The following CLCN7 variants were observed in gnomAD, a reference collection of about 807,000 sequenced individuals.
CLCN7 encodes the protein H(+)/Cl(-) exchange transporter 7.
CLCN7 carries 60 observed loss-of-function variants against 102.1 expected under a neutral mutation model. That is an observed-to-expected ratio of 0.59 (90% CI 0.48 to 0.73). The LOEUF is 0.73. Ranked by LOEUF, CLCN7 falls within the 30% of genes least tolerant of loss-of-function variation. The pLI is 0.00. For synonymous variants in CLCN7, 560 were observed against 490.5 expected (o/e 1.14, Z -1.87); for missense variants, 962 against 1,125.7 (o/e 0.85, Z 2.08).
intron 1 of CLCN7, among the ~76,000 whole-genome samples, chr16:1,473,935 T>C (rs111525182): frequency 1.3e-5 from 2 of 151,726 alleles, no homozygotes; most frequent in Non-Finnish European, 2.9e-5. Context: ...AAATACAAAA[T>C]TAGCCGGGCG....
At position 1,447,053 on chromosome 16, in the gene CLCN7, G is replaced by A. The variant is rs1490598538; in HGVS notation, c.2284C>T (p.Arg762Trp). ...ACCAGGTGCCGCAGGCCCAGGGCCC[G>A]GAACAGCTTGAACACCCGTGGGAGC... ...ASLPRVFKLF[R>W]ALGLRHLVVV... The change falls in exon 24 of 25, where the codon CGG becomes TGG. Residue 762 changes from arginine to tryptophan, a missense_variant. Physicochemically the swap from Arg to Trp is moderately radical, Grantham distance 101. This residue lies in a region of CLCN7 where 799 missense variants were observed against 988.0 expected (regional missense o/e 0.81). Transcript: ENST00000382745. 3.1e-6 allele frequency: 5 copies of A among 1,602,596 alleles called. No individual in the cohort carries two copies. The highest frequency in any genetic ancestry group is 3.4e-6 in the Non-Finnish European group (4 of 1,178,312).
In CLCN7 at chr16:1,449,268, G is replaced by A; in HGVS notation, c.1669+8C>T. 1 of 1,582,580 alleles carries A rather than the reference G, an allele frequency of 6.3e-7. No homozygotes were observed. Among genetic ancestry groups the A allele is most frequent in the East Asian group, 2.3e-5 (1 of 42,998 alleles). On this transcript the variant is annotated splice_region_variant and intron_variant, in intron 18 of 24. Coordinates refer to ENST00000382745, the MANE Select transcript of CLCN7 (RefSeq NM_001287.6). ...CTCCCCACCCATCGGGCAAGAGCTGGGACATACCCAGCTGGGCAGCAGCTC... is the reference window on the plus strand; with the variant it reads ...CTCCCCACCCATCGGGCAAGAGCTGAGACATACCCAGCTGGGCAGCAGCTC...
rs771365308 is a variant in CLCN7, at chr16:1,453,893, G to A, written c.1155C>T (p.Gly385=). ...CATTGAACACTGCTCCAAGCACACC[G>A]CCTGCGAACAGGGGAAAGGCCAGTC... The part of the protein sequence containing the change: ...IPVFIAMGVV[G]GVLGAVFNAL... Residue 385 remains glycine, a splice_region_variant and synonymous_variant, in exon 14 of 25, where the codon GGC becomes GGT. Coordinates refer to ENST00000382745, the MANE Select transcript of CLCN7 (RefSeq NM_001287.6). 160 of 1,613,020 alleles carry A rather than the reference G, an allele frequency of 9.9e-5. No individual in the cohort carries two copies. Among genetic ancestry groups the A allele is most frequent in the African/African-American group, 2.0e-4 (15 of 74,950 alleles).
intron 19 of CLCN7, 97 bp from the exon 20 acceptor site, chr16:1,448,863 C>G: frequency 1.3e-6 from 2 of 1,597,570 alleles, no homozygotes; most frequent in East Asian, 2.2e-5. Flanking sequence ...CCCCAGAAAC[C>G]CTGAGCCTAC....
intron 21 of CLCN7, among the ~76,000 whole-genome samples, 197 bp from the exon 22 acceptor site, chr16:1,447,911 C>T (rs962078814): frequency 7.2e-5 from 11 of 152,210 alleles, no homozygotes; most frequent in African/African-American, 1.7e-4. Context: ...CAAGGATCGG[C>T]GACAGGGTAG....
intron 24 of CLCN7, 57 bp from the exon 25 acceptor site, chr16:1,446,774 A>G (rs2038652158): frequency 1.4e-6 from 2 of 1,434,322 alleles, no homozygotes; most frequent in Admixed American, 3.9e-5. Context: ...CTGCCTGTGG[A>G]GCTCCCTGCC....
chr16:1,465,924 G>A (rs1281803290), intron 1 of CLCN7, among the ~76,000 whole-genome samples: 1 of 152,246 alleles, frequency 6.6e-6, no homozygotes, highest in African/African-American at 2.4e-5. Context: ...GGGTGGCGTG[G>A]TGCAGATGTG....
Position 1,449,291 on chromosome 16 carries a change from C to G in CLCN7, c.1654G>C (p.Ala552Pro). ...ADPGKYALMG[A>P]AAQLGGIVRM... Reference sequence around the variant, plus strand: ...TGGGACATACCCAGCTGGGCAGCAGCTCCCATCAGGGCGTATTTGCCGGGG... The same window carrying G: ...TGGGACATACCCAGCTGGGCAGCAGGTCCCATCAGGGCGTATTTGCCGGGG... The change falls in exon 18 of 25, where the codon GCT (alanine) becomes CCT (proline). Residue 552 changes from alanine (A) to proline (P), a missense_variant. Coordinates refer to ENST00000382745, the MANE Select transcript of CLCN7 (RefSeq NM_001287.6). 1 of 1,588,268 alleles carries G rather than the reference C, an allele frequency of 6.3e-7. No individual in the cohort carries two copies. Among genetic ancestry groups the G allele is most frequent in the Non-Finnish European group, 8.6e-7 (1 of 1,167,758 alleles).
rs761166293 is a variant in CLCN7, at chr16:1,446,285, C to T, written c.*346G>A. The T allele has an allele frequency of 1.4e-6, 1 of 696,758 alleles. No individual in the cohort carries two copies. The highest frequency in any genetic ancestry group is 2.6e-6 in the Non-Finnish European group (1 of 382,600). 43.2% of individuals were successfully genotyped at this position (696,758 alleles called of 1,614,324 possible). On this transcript the variant is annotated 3_prime_UTR_variant, in exon 25 of 25. Transcript: ENST00000382745. ...AAGGGCTCTGTCTCACGCACACGGG[C>T]ACAGGCACGCAGGTGCCGGCCCTGC...
In CLCN7 at chr16:1,450,623, G is replaced by A; in HGVS notation, c.1491C>T (p.Tyr497=). ...PLTLGLFTLV[Y]FFLACWTYGL... ...CGTAGGTCCAGCAGGCCAGGAAGAA[G>A]TAGACCAGCGTGAACAGGCCGAGGG... is the stretch of plus-strand genomic sequence containing the variant. Residue 497 remains tyrosine, a synonymous_variant, in exon 17 of 25, where the codon TAC becomes TAT. Coordinates refer to ENST00000382745, the MANE Select transcript of CLCN7 (RefSeq NM_001287.6). 2 of 1,612,696 alleles carry A rather than the reference G, an allele frequency of 1.2e-6. No individual in the cohort carries two copies. Among genetic ancestry groups the A allele is most frequent in the Middle Eastern group, 1.6e-4 (1 of 6,062 alleles).
chr16:1,461,822 C>T, intron 2 of CLCN7, 148 bp from the exon 3 acceptor site: 1 of 740,444 alleles, frequency 1.4e-6, no homozygotes, highest in South Asian at 1.5e-5. Context: ...CGGTGGCTGA[C>T]ACCTACAATC....
At chr16:1,446,945 C>A in intron 24 of CLCN7, 61 bp downstream of exon 24, 1 of 1,456,514 alleles carries the variant, frequency 6.9e-7, no homozygotes, top group Non-Finnish European at 9.4e-7. Context: ...AGAGTAAGCA[C>A]GGGCAGGAGG....
At chr16:1,453,330 T>G (rs1180668507) in intron 14 of CLCN7, among the ~76,000 whole-genome samples, 1 of 152,098 alleles carries the variant, frequency 6.6e-6, no homozygotes, top group Non-Finnish European at 1.5e-5. Context: ...TGTTTAATCA[T>G]CAATCAGGCA....
At chr16:1,462,665 C>CAAAAAAAA (rs67969666) in intron 2 of CLCN7, among the ~76,000 whole-genome samples, 463 of 35,964 alleles carry the variant, frequency 0.013, 14 homozygotes, top group African/African-American at 0.035. Context: ...AAAAAAAAGC[C>CAAAAAAAA]AAAAAAAAAA....
Position 1,457,629 on chromosome 16 carries a change from G to A in CLCN7, c.738+65C>T, listed in dbSNP as rs943559546. 5.9e-6 allele frequency: 9 copies of A among 1,529,928 alleles called. No individual in the cohort carries two copies. Among genetic ancestry groups the A allele is most frequent in the African/African-American group, 4.1e-5 (3 of 73,096 alleles). 94.8% of individuals were successfully genotyped at this position (1,529,928 alleles called of 1,614,324 possible). ...CCGGTGCTCAGAGACACACATGGGC[G>A]TGGCGGCCCTCGCGGGCCCGGCGGC... On this transcript the variant is annotated intron_variant, in intron 8 of 24. Coordinates refer to ENST00000382745, the MANE Select transcript of CLCN7 (RefSeq NM_001287.6). This position sits in a 1 kb window ranked among gnomAD's most constrained non-coding sequence, Gnocchi z 5.4.
intron 12 of CLCN7, 72 bp downstream of exon 12, chr16:1,455,062 A>G: frequency 1.1e-5 from 10 of 923,410 alleles, no homozygotes; most frequent in Non-Finnish European, 1.6e-5. Flanking sequence ...CAAATTCTCA[A>G]CCTGGGCCTT....
chr16:1,469,069 G>A (rs576126761), intron 1 of CLCN7, among the ~76,000 whole-genome samples: 3 of 151,576 alleles, frequency 2.0e-5, no homozygotes, highest in South Asian at 4.2e-4. Flanking sequence ...AGCCGGGCAT[G>A]GTGGTGCACA....
chr16:1,471,913 C>A (rs372687474), intron 1 of CLCN7: 6 of 152,454 alleles, frequency 3.9e-5, no homozygotes, highest in Admixed American at 3.9e-4. Context: ...TGTTCATGTG[C>A]GCAGCAGGGC....
In CLCN7 at chr16:1,446,179, C is replaced by T; in HGVS notation, c.*452G>A. 1.6e-6 allele frequency: 1 copy of T among 607,412 alleles called. No individual in the cohort carries two copies. The highest frequency in any genetic ancestry group is 2.9e-6 in the Non-Finnish European group (1 of 342,492). 37.6% of individuals were successfully genotyped at this position (607,412 alleles called of 1,614,324 possible). On this transcript the variant is annotated 3_prime_UTR_variant, in exon 25 of 25. Coordinates refer to ENST00000382745, the MANE Select transcript of CLCN7 (RefSeq NM_001287.6). Reference sequence around the variant, plus strand: ...TGGCTGAAAATGAGGCCAAGCAGCTCCCAAGTCTCGAAGACTCCACTGGTG... The same window carrying T: ...TGGCTGAAAATGAGGCCAAGCAGCTTCCAAGTCTCGAAGACTCCACTGGTG...
Sources: gnomAD v4.1 joint callset for allele counts (sites outside exome capture counted in the v4.1 genomes callset) on GRCh38, gnomAD v4.1.1 for gene constraint, gnomAD v4.1.1 regional missense constraint, Gnocchi (gnomAD v3.1) non-coding constraint, MANE v1.5 for transcripts, NCBI Gene and HGNC (gene_info 2026-07-23, HGNC 2026-07-21) for gene names.